ANK3: variants seen among roughly 807,000 people sequenced by gnomAD.
ANK3 encodes the protein ankyrin-3.
In ANK3, 57 loss-of-function variants were observed where a neutral mutation model predicts 370.9. The observed-to-expected ratio is 0.15, with a 90% CI of 0.12 to 0.19. ANK3 has a LOEUF of 0.19. Among genes scored for constraint, ANK3 ranks in the 10% least tolerant of loss-of-function variants. ANK3 has a pLI of 1.00. For missense variants in ANK3, 4,439 were observed against 5,302.1 expected (o/e 0.84, Z 5.06); for synonymous variants, 1,929 against 1,946.3 (o/e 0.99, Z 0.23).
intron 1 of ANK3, among the ~76,000 whole-genome samples, chr10:60,308,770 G>A (rs1025107673): frequency 6.6e-6 from 1 of 152,126 alleles, no homozygotes; most frequent in Non-Finnish European, 1.5e-5. Flanking sequence ...AGTTACCTTG[G>A]AGGTTGCTTT....
intron 23 of ANK3, among the ~76,000 whole-genome samples, chr10:60,163,107 TCTTC>T (rs959766859): frequency 1.6e-4 from 24 of 152,216 alleles, no homozygotes; most frequent in Admixed American, 3.3e-4. Context: ...TTCTCTTTCT[TCTTC>T]CTTCCTTCCT....
intron 7 of ANK3, among the ~76,000 whole-genome samples, chr10:60,243,687 G>T (rs1199254647): frequency 6.6e-6 from 1 of 152,198 alleles, no homozygotes; most frequent in Non-Finnish European, 1.5e-5. Flanking sequence ...ATAACAATTA[G>T]ATGTTATATT....
rs554277900 is a variant in ANK3 at position 60,604,198 on chromosome 10, G to A, written c.96+10988C>T. 3.9e-5 allele frequency among the ~76,000 whole-genome samples: 6 copies of A among 152,136 alleles called. No homozygotes were observed. In the South Asian group the frequency reaches 6.2e-4, roughly 16 times the overall value. On this transcript the variant is annotated intron_variant, in intron 2 of 43. Transcript: ENST00000373827. ...AAGAGTGCACAATAAGTAAAAATAA[G>A]CAGTGGAAAGAATGCAAAGCTACAT...
At chr10:60,676,484 A>G (rs1390542523) in intron 1 of ANK3, among the ~76,000 whole-genome samples, 1 of 152,204 alleles carries the variant, frequency 6.6e-6, no homozygotes, top group African/African-American at 2.4e-5. Context: ...ACATACCAGT[A>G]CTTTGTCATA....
intron 2 of ANK3, among the ~76,000 whole-genome samples, chr10:60,537,991 T>G (rs964645318): frequency 1.3e-5 from 2 of 151,910 alleles, no homozygotes; most frequent in East Asian, 3.9e-4. Flanking sequence ...ATGAATAAAT[T>G]CTCGGTTCTT....
At chr10:60,272,484 GTT>G (rs11368213) in intron 4 of ANK3, among the ~76,000 whole-genome samples, 2,712 of 147,248 alleles carry the variant, frequency 0.018, 90 homozygotes, top group African/African-American at 0.065. Flanking sequence ...GTTCTTGTTT[GTT>G]TTTTTTTTGT....
At chr10:60,581,127 A>C (rs2077745210) in intron 2 of ANK3, among the ~76,000 whole-genome samples, 2 of 152,218 alleles carry the variant, frequency 1.3e-5, no homozygotes, top group South Asian at 4.1e-4. Flanking sequence ...CATCTGAATC[A>C]ACAAATTGAC....
chr10:60,523,061 C>T (rs996362017), intron 2 of ANK3, among the ~76,000 whole-genome samples: 17 of 152,130 alleles, frequency 1.1e-4, no homozygotes, highest in African/African-American at 3.6e-4. Context: ...GAACAGTATA[C>T]TAGACATCAC....
chr10:60,401,224 G>A (rs1004519105), intron 2 of ANK3, among the ~76,000 whole-genome samples: 12 of 152,080 alleles, frequency 7.9e-5, no homozygotes, highest in African/African-American at 1.7e-4. Context: ...CAGGGGCTGC[G>A]GAGAGTGGGA....
At chr10:60,529,542 A>G (rs894568362) in intron 2 of ANK3, among the ~76,000 whole-genome samples, 1 of 152,168 alleles carries the variant, frequency 6.6e-6, no homozygotes, top group African/African-American at 2.4e-5. Context: ...TTGTAAATAC[A>G]TACATATAGT....
chr10:60,488,684 T>C (rs957495117), intron 2 of ANK3, among the ~76,000 whole-genome samples: 1 of 152,234 alleles, frequency 6.6e-6, no homozygotes, highest in Non-Finnish European at 1.5e-5. Context: ...ATTGGCCTCT[T>C]GTGTTTCACT....
chr10:60,539,306 T>C (rs2076793580), intron 2 of ANK3, among the ~76,000 whole-genome samples: 1 of 151,932 alleles, frequency 6.6e-6, no homozygotes, highest in South Asian at 2.1e-4. Flanking sequence ...TGATTTTTCT[T>C]GGCATGGTCC....
chr10:60,142,788 G>A (rs2094625261), intron 23 of ANK3, among the ~76,000 whole-genome samples: 1 of 152,098 alleles, frequency 6.6e-6, no homozygotes, highest in Admixed American at 6.6e-5. Flanking sequence ...AGAATGGTGA[G>A]AACATTTCTT....
intron 7 of ANK3, among the ~76,000 whole-genome samples, chr10:60,254,546 C>A (rs2097710078): frequency 6.6e-6 from 1 of 152,152 alleles, no homozygotes; most frequent in African/African-American, 2.4e-5. Flanking sequence ...TAATTTTGAA[C>A]AAAGCTTGGC....
rs368242724 is a variant in ANK3 at position 60,404,710 on chromosome 10, A to T, written c.97-125071T>A. Among the ~76,000 whole-genome samples, 125 of 152,118 alleles carry T rather than the reference A, an allele frequency of 8.2e-4. 1 individual carries two copies. Among genetic ancestry groups the T allele is most frequent in the African/African-American group, 2.8e-3 (118 of 41,518 alleles). On this transcript the variant is annotated intron_variant, in intron 2 of 43. Coordinates refer to the ANK3 transcript ENST00000373827. ...ACAGAATATAGTAGTTACAAAATTT[A>T]AAAAAAAGTTAGACTTCATTAAAAT...
At chr10:60,451,390 C>T (rs992255490) in intron 2 of ANK3, among the ~76,000 whole-genome samples, 37 of 152,122 alleles carry the variant, frequency 2.4e-4, no homozygotes, top group African/African-American at 8.9e-4. Context: ...GGTGAAGTTA[C>T]CCTTTCAAAA....
intron 40 of ANK3, chr10:60,060,037 G>C (rs373241474): frequency 5.4e-6 from 8 of 1,475,724 alleles, no homozygotes; most frequent in Non-Finnish European, 7.3e-6. Context: ...GGACTGACTG[G>C]AATGAATTAG....
chr10:60,066,813 A>T (rs1171940320), intron 38 of ANK3, among the ~76,000 whole-genome samples: 2 of 152,282 alleles, frequency 1.3e-5, no homozygotes, highest in South Asian at 2.1e-4. Context: ...AAAACTTAAA[A>T]TTTCTCAGAT....
chr10:60,582,505 G>C (rs1184862782), intron 2 of ANK3, among the ~76,000 whole-genome samples: 1 of 151,766 alleles, frequency 6.6e-6, no homozygotes, highest in Admixed American at 6.6e-5. Flanking sequence ...CCTGTAATAT[G>C]TGCCAGAGTT....
Sources: allele counts gnomAD v4.1 joint callset (sites outside exome capture counted in the v4.1 genomes callset), GRCh38; gene constraint gnomAD v4.1.1; transcripts MANE v1.5; gene names NCBI Gene and HGNC (gene_info 2026-07-23, HGNC 2026-07-21).